Variants in PRRC1 observed in about 807,000 individuals in gnomAD.
PRRC1 encodes protein PRRC1.
Under a neutral mutation model 40.7 loss-of-function variants are expected in PRRC1, and 39 were observed. That is an observed-to-expected ratio of 0.96 (90% confidence interval 0.74 to 1.25). The LOEUF is 1.25. PRRC1 is among the 50% of genes most tolerant of loss of function. PRRC1 has a pLI of 0.00. For synonymous variants in PRRC1, 175 were observed against 193.3 expected (o/e 0.91, Z 0.79); for missense variants, 573 against 548.3 (o/e 1.05, Z -0.45).
intron 7 of PRRC1, among the ~76,000 whole-genome samples, chr5:127,547,261 T>G (rs1768252348): frequency 6.6e-6 from 1 of 152,134 alleles, no homozygotes; most frequent in Admixed American, 6.5e-5. Flanking sequence ...AAGAGAAGTT[T>G]CCTGGATTTC....
chr5:127,547,971 A>G (rs781364253), intron 8 of PRRC1, 50 bp downstream of exon 8: 3 of 1,148,790 alleles, frequency 2.6e-6, no homozygotes, highest in East Asian at 2.3e-5. Context: ...AACTTACACT[A>G]TTGTTTTCAG....
chr5:127,527,953 G>C lies in PRRC1; in HGVS notation c.654+1175G>C, dbSNP rs72792012. On this transcript the variant is annotated intron_variant, in intron 4 of 8. Coordinates refer to ENST00000296666, the MANE Select transcript of PRRC1 (RefSeq NM_130809.5). Reference sequence around the variant, plus strand: ...TAACATTTTTCACTTGCCAGCAGTAGTTATTAATTTGGACTAGGGTATTTT... The same window carrying C: ...TAACATTTTTCACTTGCCAGCAGTACTTATTAATTTGGACTAGGGTATTTT... 7.0e-3 allele frequency among the ~76,000 whole-genome samples: 1,072 copies of C among 152,186 alleles called. 11 individuals are homozygous for C. The highest frequency in any genetic ancestry group is 0.011 in the Non-Finnish European group (751 of 68,004).
intron 6 of PRRC1, among the ~76,000 whole-genome samples, chr5:127,536,422 G>A (rs1767903579): frequency 6.6e-6 from 1 of 152,044 alleles, no homozygotes; most frequent in Non-Finnish European, 1.5e-5. Context: ...TGAAAAACTG[G>A]AACAAGTCAC....
intron 7 of PRRC1, 35 bp downstream of exon 7, chr5:127,539,178 T>G: frequency 6.5e-7 from 1 of 1,530,232 alleles, no homozygotes; most frequent in Non-Finnish European, 9.0e-7. Context: ...AAGCAAAATA[T>G]AATTGGGTCT....
At chr5:127,531,321 C>T (rs1229478484) in intron 5 of PRRC1, among the ~76,000 whole-genome samples, 1 of 152,154 alleles carries the variant, frequency 6.6e-6, no homozygotes, top group Non-Finnish European at 1.5e-5. Flanking sequence ...AACTCATGCT[C>T]AATTTTTTTA....
In PRRC1 at chr5:127,533,691, GC is replaced by G. The variant is rs770395498; in HGVS notation, c.828del (p.Phe277SerfsTer7). The G allele has an allele frequency of 2.5e-4, 404 of 1,614,028 alleles. No individual in the cohort carries two copies. Among genetic ancestry groups the G allele is most frequent in the Admixed American group, 5.5e-4 (33 of 59,996 alleles). The stretch of plus-strand genomic sequence containing the variant: ...AGTAAAAGTTGCTGCTGTCCGAGAT[GC>G]CTTCCAGGAGGTCTTTGGCTTAGCT... Reference protein sequence around the residue: ...KEVKVAAVRDAFQEVFGLAVV... With the variant: ...KEVKVAAVRDXFQEVFGLAVV... On this transcript the variant is annotated frameshift_variant, in exon 6 of 9. Coordinates refer to ENST00000296666, the MANE Select transcript of PRRC1 (RefSeq NM_130809.5). LOFTEE classifies it high-confidence loss of function.
chr5:127,522,812 G>T (rs779610216), intron 1 of PRRC1, among the ~76,000 whole-genome samples: 2 of 151,356 alleles, frequency 1.3e-5, no homozygotes, highest in African/African-American at 4.9e-5. Flanking sequence ...GCTCTGTCAC[G>T]CAGGCTGGAG....
At position 127,533,406 on chromosome 5, in the gene PRRC1, G is replaced by A. The variant is rs142795202; in HGVS notation, c.758-217G>A. 6.5e-3 allele frequency among the ~76,000 whole-genome samples: 992 copies of A among 152,134 alleles called. 12 individuals carry two copies. The highest frequency in any genetic ancestry group is 0.023 in the African/African-American group (940 of 41,480). Reference sequence around the variant, plus strand: ...TTGTGATATGTAATGTCAGTTTTGAGTCCTGACATTAGTGCTAAGTAGATA... The same window carrying A: ...TTGTGATATGTAATGTCAGTTTTGAATCCTGACATTAGTGCTAAGTAGATA... On this transcript the variant is annotated intron_variant, in intron 5 of 8. Coordinates refer to ENST00000296666, the MANE Select transcript of PRRC1 (RefSeq NM_130809.5).
intron 8 of PRRC1, chr5:127,551,100 C>T (rs1367842734): frequency 6.3e-6 from 1 of 159,670 alleles, no homozygotes. Context: ...ATACCTAACA[C>T]CCTAAAACAG....
intron 1 of PRRC1, among the ~76,000 whole-genome samples, chr5:127,519,556 C>T (rs907928980): frequency 5.3e-5 from 8 of 152,088 alleles, no homozygotes; most frequent in African/African-American, 1.7e-4. Flanking sequence ...ATTCATACTG[C>T]GAAACTCTGG....
chr5:127,538,134 A>G (rs917655910), intron 6 of PRRC1, among the ~76,000 whole-genome samples: 12 of 152,012 alleles, frequency 7.9e-5, no homozygotes, highest in African/African-American at 2.9e-4. Flanking sequence ...ACAAGCTAGT[A>G]TCTTAAATTG....
Position 127,547,916 on chromosome 5 carries a change from C to G in PRRC1, c.1123C>G (p.Gln375Glu), listed in dbSNP as rs947848903. The change falls in exon 8 of 9, where the codon CAG becomes GAG. Residue 375 changes from glutamine (Q) to glutamate (E), a missense_variant. Coordinates refer to ENST00000296666, the MANE Select transcript of PRRC1 (RefSeq NM_130809.5). The stretch of plus-strand genomic sequence containing the variant: ...CACACCAGTGCCTTTGGAATTTGTA[C>G]AGCAGGTTGGTTTTCTCCTTTGCTT... ...QATPVPLEFV[Q>E]QAQSLTPQDY... The G allele has an allele frequency of 6.2e-7, 1 of 1,609,730 alleles. No individual in the cohort carries two copies. Among genetic ancestry groups the G allele is most frequent in the Non-Finnish European group, 8.5e-7 (1 of 1,176,058 alleles).
chr5:127,535,920 G>C (rs775561911), intron 6 of PRRC1, among the ~76,000 whole-genome samples: 2 of 152,004 alleles, frequency 1.3e-5, no homozygotes, highest in African/African-American at 2.4e-5. Flanking sequence ...GTTGTATTTA[G>C]TACTTTATTT....
chr5:127,527,297 CAT>C (rs1186784656), intron 4 of PRRC1, among the ~76,000 whole-genome samples: 2 of 152,218 alleles, frequency 1.3e-5, no homozygotes, highest in Middle Eastern at 6.8e-3. Flanking sequence ...AGCTGATTAA[CAT>C]ATGCAATACC....
intron 5 of PRRC1, 31 bp downstream of exon 5, chr5:127,530,427 A>AT (rs757721592): frequency 0.026 from 32,151 of 1,249,350 alleles, no homozygotes; most frequent in South Asian, 0.037. Flanking sequence ...GGTATCTGCC[A>AT]TTTTTTTTTT....
intron 1 of PRRC1, among the ~76,000 whole-genome samples, chr5:127,522,144 A>C (rs1326266127): frequency 6.6e-6 from 1 of 152,246 alleles, no homozygotes; most frequent in East Asian, 1.9e-4. Context: ...TAAAAATATT[A>C]AAAACAAATA....
At position 127,545,537 on chromosome 5, in the gene PRRC1, C is replaced by CA. The variant is rs532099985; in HGVS notation, c.1026-2276dup. 5.7e-4 allele frequency among the ~76,000 whole-genome samples: 85 copies of CA among 149,018 alleles called. 1 individual carries two copies. The East Asian group carries it at 0.016, about 27-fold the overall frequency. On this transcript the variant is annotated intron_variant, in intron 7 of 8. Coordinates refer to ENST00000296666, the MANE Select transcript of PRRC1 (RefSeq NM_130809.5). ...CATTCTCAGTAAACTATCACAAGGA[C>CA]AAAAAACCAAACATCACATGTTCTC...
chr5:127,523,758 A>T (rs892571206), intron 2 of PRRC1, 176 bp downstream of exon 2: 5 of 425,646 alleles, frequency 1.2e-5, no homozygotes, highest in African/African-American at 8.1e-5. Flanking sequence ...GTGTATTTAA[A>T]GTAAGAAAAC....
chr5:127,548,865 C>A (rs753481032), intron 8 of PRRC1: 5 of 152,030 alleles, frequency 3.3e-5, no homozygotes, highest in Non-Finnish European at 5.9e-5. Context: ...ACCGTAATTT[C>A]TTTTCATAAG....
Sources: allele counts gnomAD v4.1 joint callset (sites outside exome capture counted in the v4.1 genomes callset), GRCh38; gene constraint gnomAD v4.1.1; transcripts MANE v1.5; gene names NCBI Gene and HGNC (gene_info 2026-07-23, HGNC 2026-07-21).